Variants in LEPR observed in about 807,000 individuals in gnomAD.
The protein encoded by LEPR is leptin receptor.
LEPR carries 56 observed loss-of-function variants against 114.7 expected under a neutral mutation model. The observed-to-expected ratio is 0.49, with a 90% CI of 0.39 to 0.61. The LOEUF is 0.61. Among genes scored for constraint, LEPR ranks in the 20% least tolerant of loss-of-function variants. LEPR has a pLI of 0.00. For synonymous variants in LEPR, 443 were observed against 461.4 expected (o/e 0.96, Z 0.51); for missense variants, 1,202 against 1,352.9 (o/e 0.89, Z 1.75).
At chr1:65,618,941 A>T (rs1027181354) in intron 16 of LEPR, among the ~76,000 whole-genome samples, 3 of 152,178 alleles carry the variant, frequency 2.0e-5, no homozygotes, top group Non-Finnish European at 4.4e-5. Flanking sequence ...GCTAGCCTGA[A>T]GGTCTGAGGA....
chr1:65,486,407 G>A (rs1026999589), intron 2 of LEPR: 7 of 152,080 alleles, frequency 4.6e-5, no homozygotes, highest in African/African-American at 1.7e-4. Flanking sequence ...CTGAAAGAAA[G>A]TATTATATTT....
intron 5 of LEPR, among the ~76,000 whole-genome samples, chr1:65,584,055 G>T (rs11208679): frequency 1.3e-5 from 2 of 151,876 alleles, no homozygotes; most frequent in East Asian, 3.9e-4. Context: ...TCTGTAAGGG[G>T]TGCACTTTTC....
chr1:65,496,202 T>A (rs552797760), intron 2 of LEPR, among the ~76,000 whole-genome samples: 4 of 152,262 alleles, frequency 2.6e-5, no homozygotes, highest in African/African-American at 9.6e-5. Flanking sequence ...TCAATTTTTT[T>A]TAAAAAGCCA....
At chr1:65,476,473 T>G (rs983313077) in intron 2 of LEPR, among the ~76,000 whole-genome samples, 15 of 152,194 alleles carry the variant, frequency 9.9e-5, no homozygotes, top group Admixed American at 1.3e-4. Flanking sequence ...AAAGGTCTAC[T>G]GAATGAAAGG....
chr1:65,521,327 C>T (rs893049225), intron 2 of LEPR, among the ~76,000 whole-genome samples: 2 of 152,092 alleles, frequency 1.3e-5, no homozygotes, highest in Admixed American at 6.6e-5. Flanking sequence ...TTTGTCTGAT[C>T]GAAAACCCTT....
Position 65,434,555 on chromosome 1 carries a change from A to C in LEPR, c.-21+9177A>C. 3.0e-6 allele frequency: 3 copies of C among 985,194 alleles called. No homozygotes were observed. In the South Asian group the frequency reaches 1.4e-4, roughly 46 times the overall value. The allele number at this position is 985,194 out of a possible 1,614,324, so 61.0% of individuals were successfully genotyped here. A position where few individuals can be genotyped will look rare whatever the true frequency, so the allele number is the denominator to read the frequency against. ...AGCCTCCCTCAACAGGTTCAACTCT[A>C]ATATACCTAACCTGTGATACTGAAG... is the stretch of plus-strand genomic sequence containing the variant. On this transcript the variant is annotated intron_variant, in intron 2 of 19. Transcript: ENST00000349533.
At chr1:65,568,724 CT>C (rs1220174150) in intron 3 of LEPR, among the ~76,000 whole-genome samples, 1 of 149,570 alleles carries the variant, frequency 6.7e-6, no homozygotes, top group African/African-American at 2.5e-5. Flanking sequence ...GATAGTTCTA[CT>C]TTTAGTTCTT....
chr1:65,460,240 C>G (rs1192537595), intron 2 of LEPR, among the ~76,000 whole-genome samples: 2 of 152,076 alleles, frequency 1.3e-5, no homozygotes, highest in Admixed American at 6.6e-5. Flanking sequence ...GACTGAAGCT[C>G]AGAGAGAGAA....
At chr1:65,542,611 C>A (rs1263884080) in intron 2 of LEPR, among the ~76,000 whole-genome samples, 1 of 151,818 alleles carries the variant, frequency 6.6e-6, no homozygotes, top group Non-Finnish European at 1.5e-5. Flanking sequence ...TATCCCTCCC[C>A]TAGCCAGCCA....
intron 2 of LEPR, among the ~76,000 whole-genome samples, chr1:65,439,308 A>G (rs1250713842): frequency 6.6e-6 from 1 of 152,224 alleles, no homozygotes; most frequent in African/African-American, 2.4e-5. Flanking sequence ...TACATTAGAC[A>G]ATGCGATATT....
intron 2 of LEPR, among the ~76,000 whole-genome samples, chr1:65,476,484 GA>G (rs1348120768): frequency 6.6e-6 from 1 of 152,102 alleles, no homozygotes; most frequent in Non-Finnish European, 1.5e-5. Flanking sequence ...GAATGAAAGG[GA>G]GACTTCCCTT....
chr1:65,451,385 T>A (rs2100327445), intron 2 of LEPR, among the ~76,000 whole-genome samples: 1 of 152,222 alleles, frequency 6.6e-6, no homozygotes, highest in African/African-American at 2.4e-5. Context: ...TGCCTAGGTT[T>A]TCTTCTAGGG....
intron 5 of LEPR, among the ~76,000 whole-genome samples, chr1:65,573,690 G>A (rs575098429): frequency 3.9e-5 from 6 of 152,232 alleles, no homozygotes; most frequent in Admixed American, 3.3e-4. Flanking sequence ...CCGTTGAGGA[G>A]CAATGTGCTA....
chr1:65,481,395 A>G (rs1040382249), intron 2 of LEPR, among the ~76,000 whole-genome samples: 1 of 152,172 alleles, frequency 6.6e-6, no homozygotes, highest in Admixed American at 6.5e-5. Flanking sequence ...TGAAATAGAA[A>G]ATTAAATACA....
chr1:65,442,725 C>T (rs866362017), intron 2 of LEPR, among the ~76,000 whole-genome samples: 15 of 152,238 alleles, frequency 9.9e-5, no homozygotes, highest in African/African-American at 3.4e-4. Context: ...TGATATACCT[C>T]AATAAAAATA....
At chr1:65,613,668 G>T (rs1317091517) in intron 14 of LEPR, among the ~76,000 whole-genome samples, 2 of 129,668 alleles carry the variant, frequency 1.5e-5, no homozygotes, top group Admixed American at 1.6e-4. Flanking sequence ...CAGGAGAATG[G>T]CGTGAACCCA....
At chr1:65,479,770 C>T (rs75682817) in intron 2 of LEPR, among the ~76,000 whole-genome samples, 1 of 152,120 alleles carries the variant, frequency 6.6e-6, no homozygotes, top group African/African-American at 2.4e-5. Context: ...AACAACTGGG[C>T]AGAAAGTAGA....
intron 2 of LEPR, among the ~76,000 whole-genome samples, chr1:65,507,906 T>C (rs947890622): frequency 3.9e-5 from 6 of 152,206 alleles, no homozygotes; most frequent in Non-Finnish European, 7.4e-5. Flanking sequence ...GATATCCCAT[T>C]GTAGTTTTAA....
chr1:65,552,949 G>A (rs975043663), intron 2 of LEPR, among the ~76,000 whole-genome samples: 7 of 152,262 alleles, frequency 4.6e-5, no homozygotes, highest in African/African-American at 1.4e-4. Context: ...TGTCTGTAAA[G>A]GATTTTATTT....
Sources: gnomAD v4.1 joint callset for allele counts (sites outside exome capture counted in the v4.1 genomes callset) on GRCh38, gnomAD v4.1.1 for gene constraint, MANE v1.5 for transcripts, NCBI Gene and HGNC (gene_info 2026-07-23, HGNC 2026-07-21) for gene names.